Variants in EPHA4 observed in about 807,000 individuals in gnomAD.
The protein encoded by EPHA4 is ephrin type-A receptor 4.
Under a neutral mutation model 108.3 loss-of-function variants are expected in EPHA4, and 19 were observed. The observed-to-expected ratio is 0.18, with a 90% CI of 0.12 to 0.26. The LOEUF (loss-of-function observed/expected upper bound fraction) is 0.26. Among genes scored for constraint, EPHA4 ranks in the 10% least tolerant of loss-of-function variants. EPHA4 has a pLI of 1.00. For missense variants in EPHA4, 917 were observed against 1,254.0 expected (o/e 0.73, Z 4.06); for synonymous variants, 449 against 455.5 (o/e 0.99, Z 0.18).
intron 3 of EPHA4, among the ~76,000 whole-genome samples, chr2:221,515,807 C>T (rs1285307540): frequency 2.6e-5 from 4 of 152,130 alleles, no homozygotes; most frequent in Admixed American, 2.0e-4. Flanking sequence ...CGGAGCAAGA[C>T]CCTGTCTCAA....
At chr2:221,454,154 C>T (rs904134205) in intron 8 of EPHA4, among the ~76,000 whole-genome samples, 1 of 151,878 alleles carries the variant, frequency 6.6e-6, no homozygotes, top group Non-Finnish European at 1.5e-5. Context: ...TACTTCCAGC[C>T]TGGGCGACAG....
At chr2:221,477,922 T>A (rs1574596488) in intron 5 of EPHA4, among the ~76,000 whole-genome samples, 1 of 152,138 alleles carries the variant, frequency 6.6e-6, no homozygotes, top group East Asian at 1.9e-4. Flanking sequence ...CAGATGTTTG[T>A]TTGTCACTAG....
intron 12 of EPHA4, 90 bp downstream of exon 12, chr2:221,436,971 G>T: frequency 3.2e-6 from 3 of 938,462 alleles, no homozygotes; most frequent in Non-Finnish European, 5.0e-6. Context: ...AGAAATCCAC[G>T]AATACCACCG....
intron 4 of EPHA4, among the ~76,000 whole-genome samples, chr2:221,492,905 C>G (rs1404385140): frequency 6.6e-6 from 1 of 152,204 alleles, no homozygotes; most frequent in Non-Finnish European, 1.5e-5. Flanking sequence ...TGAAACTATA[C>G]TATTACATTG....
At chr2:221,516,309 A>C (rs988977961) in intron 3 of EPHA4, among the ~76,000 whole-genome samples, 1 of 152,056 alleles carries the variant, frequency 6.6e-6, no homozygotes, top group Admixed American at 6.6e-5. Flanking sequence ...AATCCTCAAA[A>C]ATTCCAAGTC....
intron 4 of EPHA4, among the ~76,000 whole-genome samples, chr2:221,496,628 C>T (rs1266001318): frequency 6.6e-6 from 1 of 152,138 alleles, no homozygotes; most frequent in East Asian, 1.9e-4. Flanking sequence ...GTTCTGTTGG[C>T]CGGGTGTGGT....
At chr2:221,421,224 T>C (rs1964341) in intron 17 of EPHA4, among the ~76,000 whole-genome samples, 72,375 of 151,250 alleles carry the variant, frequency 0.48, 18,243 homozygotes, top group African/African-American at 0.64. Context: ...GGCGTGAACC[T>C]GGGAGGCGGA....
At chr2:221,501,249 T>C (rs1331919571) in intron 3 of EPHA4, 77 bp from the exon 4 acceptor site, 2 of 1,321,070 alleles carry the variant, frequency 1.5e-6, no homozygotes, top group Admixed American at 2.7e-5. Context: ...AGCCACCTCC[T>C]TGTTTCAGAA....
intron 3 of EPHA4, among the ~76,000 whole-genome samples, chr2:221,526,519 T>C (rs1418508224): frequency 6.8e-6 from 1 of 146,030 alleles, no homozygotes; most frequent in Admixed American, 7.0e-5. Context: ...TCCTGTGTGC[T>C]CAGGAAACAA....
chr2:221,418,257 G>A lies in EPHA4; in HGVS notation c.*3115C>T, dbSNP rs1045996948. On this transcript the variant is annotated 3_prime_UTR_variant, in exon 18 of 18. Coordinates refer to ENST00000281821, the MANE Select transcript of EPHA4 (RefSeq NM_004438.5). ...ACTCAAAGTTTGGAACGTGTGAACCGAACAATGTTCTGTTAATTTCTTATT... is the reference window on the plus strand; with the variant it reads ...ACTCAAAGTTTGGAACGTGTGAACCAAACAATGTTCTGTTAATTTCTTATT... The A allele has an allele frequency of 6.6e-5, 10 of 152,552 alleles. No individual in the cohort carries two copies. Among genetic ancestry groups the A allele is most frequent in the African/African-American group, 1.9e-4 (8 of 41,418 alleles). The allele number at this position is 152,552 out of a possible 1,614,324, so 9.4% of individuals were successfully genotyped here.
intron 3 of EPHA4, among the ~76,000 whole-genome samples, chr2:221,532,311 C>G (rs1000963461): frequency 2.0e-5 from 3 of 151,972 alleles, no homozygotes; most frequent in African/African-American, 7.2e-5. Context: ...TTAGTAGAGA[C>G]GGGGTTTCAC....
intron 4 of EPHA4, among the ~76,000 whole-genome samples, chr2:221,485,850 C>T (rs1287270260): frequency 8.1e-6 from 1 of 123,250 alleles, no homozygotes; most frequent in African/African-American, 2.9e-5. Context: ...CCAATCTGGG[C>T]CTGTAGTTAA....
intron 17 of EPHA4, among the ~76,000 whole-genome samples, chr2:221,423,735 AC>A (rs1473483045): frequency 6.6e-6 from 1 of 151,556 alleles, no homozygotes; most frequent in East Asian, 1.9e-4. Context: ...TTTAGAAAAT[AC>A]CTTGTCTTAA....
At chr2:221,561,546 A>G (rs1372923231) in intron 3 of EPHA4, among the ~76,000 whole-genome samples, 1 of 152,216 alleles carries the variant, frequency 6.6e-6, no homozygotes. Context: ...ATCTGGCCTC[A>G]TGTTAGGAAC....
At chr2:221,516,468 C>T (rs1009200750) in intron 3 of EPHA4, among the ~76,000 whole-genome samples, 6 of 151,624 alleles carry the variant, frequency 4.0e-5, no homozygotes, top group Admixed American at 3.9e-4. Context: ...GATTCTCTTG[C>T]CTCTGCCTCC....
intron 5 of EPHA4, among the ~76,000 whole-genome samples, chr2:221,482,027 C>T (rs578108106): frequency 1.5e-3 from 227 of 152,238 alleles, no homozygotes; most frequent in South Asian, 9.3e-3. Context: ...ACCTGAGCCT[C>T]CTGAGTAGCT....
Position 221,571,818 on chromosome 2 carries a change from G to T in EPHA4, c.91+340C>A, listed in dbSNP as rs1443970514. ...CCCGGGCTGGCTCAGGAGAGGACGT[G>T]GTTCTTGTAATTTTTTTTTTAAATC... On this transcript the variant is annotated intron_variant, in intron 1 of 17. Coordinates refer to ENST00000281821, the MANE Select transcript of EPHA4 (RefSeq NM_004438.5). This position sits in a 1 kb window ranked among gnomAD's most constrained non-coding sequence, Gnocchi z 6.3. Among the ~76,000 whole-genome samples the T allele has an allele frequency of 1.3e-5, 2 of 152,206 alleles. No individual in the cohort carries two copies. Among genetic ancestry groups the T allele is most frequent in the Non-Finnish European group, 2.9e-5 (2 of 68,034 alleles).
chr2:221,422,797 G>A (rs1316644638), intron 17 of EPHA4, among the ~76,000 whole-genome samples: 1 of 152,168 alleles, frequency 6.6e-6, no homozygotes, highest in Non-Finnish European at 1.5e-5. Flanking sequence ...ACATCAAAAT[G>A]TCTTTACCAT....
Position 221,564,305 on chromosome 2 carries a change from C to T in EPHA4, c.249G>A (p.Trp83Ter). 1 of 1,614,092 alleles carries T rather than the reference C, an allele frequency of 6.2e-7. No individual in the cohort carries two copies. The highest frequency in any genetic ancestry group is 8.5e-7 in the Non-Finnish European group (1 of 1,180,006). ...CNVMEPSQNN[W>*]LRTDWITREG... The stretch of plus-strand genomic sequence containing the variant: ...CTCGGGTGATCCAATCAGTTCGTAG[C>T]CAGTTATTCTGGCTGGGTTCCATCA... Residue 83 changes from tryptophan to a stop codon, truncating the protein, a stop_gained, in exon 3 of 18, where the codon TGG becomes TGA. Transcript: ENST00000281821. LOFTEE classifies it high-confidence loss of function.
Sources: gnomAD v4.1 joint callset for allele counts (sites outside exome capture counted in the v4.1 genomes callset) on GRCh38, gnomAD v4.1.1 for gene constraint, Gnocchi (gnomAD v3.1) non-coding constraint, MANE v1.5 for transcripts, NCBI Gene and HGNC (gene_info 2026-07-23, HGNC 2026-07-21) for gene names.